The following CYYR1 variants were observed in gnomAD, a reference collection of about 807,000 sequenced individuals.
CYYR1 encodes cysteine and tyrosine-rich protein 1.
CYYR1 carries 14 observed loss-of-function variants against 15.2 expected under a neutral mutation model. That is an observed-to-expected ratio of 0.92 (90% CI 0.61 to 1.44). CYYR1 has a LOEUF of 1.44. Among genes scored for constraint, CYYR1 ranks in the 40% most tolerant of loss-of-function variants. CYYR1 has a pLI of 0.00. For synonymous variants in CYYR1, 80 were observed against 77.4 expected, an observed-to-expected ratio of 1.03 and a Z score of -0.18; for missense variants, 228 against 209.5, an observed-to-expected ratio of 1.09 and a Z score of -0.54.
At chr21:26,528,824 T>C (rs189229166) in intron 2 of CYYR1, among the ~76,000 whole-genome samples, 4 of 152,274 alleles carry the variant, frequency 2.6e-5, no homozygotes, top group Non-Finnish European at 4.4e-5. Context: ...TACGGGAGCT[T>C]AAGTACTGAT....
intron 2 of CYYR1, among the ~76,000 whole-genome samples, chr21:26,491,436 G>A (rs2065326300): frequency 6.6e-6 from 1 of 152,070 alleles, no homozygotes; most frequent in African/African-American, 2.4e-5. Flanking sequence ...TTTAAGTCCT[G>A]AGAGCATATA....
intron 2 of CYYR1, among the ~76,000 whole-genome samples, chr21:26,481,667 G>A (rs1295953290): frequency 6.6e-6 from 1 of 151,800 alleles, no homozygotes; most frequent in Non-Finnish European, 1.5e-5. Flanking sequence ...CTTTTCTATT[G>A]TGAACAGTGC....
chr21:26,474,665 C>A (rs1228805622), intron 3 of CYYR1, among the ~76,000 whole-genome samples: 1 of 152,136 alleles, frequency 6.6e-6, no homozygotes. Context: ...ATCCACCTAA[C>A]CCTGCCTCTC....
intron 2 of CYYR1, among the ~76,000 whole-genome samples, chr21:26,491,821 CT>C (rs1207148765): frequency 6.6e-6 from 1 of 152,180 alleles, no homozygotes; most frequent in African/African-American, 2.4e-5. Flanking sequence ...ACCCAGGCCA[CT>C]GTGATCCTTT....
At chr21:26,537,761 T>A (rs531064938) in intron 2 of CYYR1, among the ~76,000 whole-genome samples, 1 of 152,270 alleles carries the variant, frequency 6.6e-6, no homozygotes, top group East Asian at 1.9e-4. Context: ...TTAAAATTCA[T>A]ACGTTGACCC....
chr21:26,571,366 G>A (rs1668218234), intron 1 of CYYR1, among the ~76,000 whole-genome samples: 1 of 152,222 alleles, frequency 6.6e-6, no homozygotes, highest in African/African-American at 2.4e-5. Flanking sequence ...GAAATGAATG[G>A]ACTGAAAACT....
At chr21:26,512,932 T>C (rs2065670480) in intron 2 of CYYR1, among the ~76,000 whole-genome samples, 1 of 152,178 alleles carries the variant, frequency 6.6e-6, no homozygotes, top group Non-Finnish European at 1.5e-5. Flanking sequence ...AAGTAAGTGC[T>C]TTTCTCCTAG....
chr21:26,480,130 G>T, intron 3 of CYYR1, 142 bp downstream of exon 3: 1 of 811,132 alleles, frequency 1.2e-6, no homozygotes, highest in Non-Finnish European at 1.9e-6. Context: ...GATTCAGCTA[G>T]AACTTCAATC....
intron 2 of CYYR1, among the ~76,000 whole-genome samples, chr21:26,529,946 C>G (rs1194891948): frequency 6.6e-6 from 1 of 152,172 alleles, no homozygotes; most frequent in Non-Finnish European, 1.5e-5. Flanking sequence ...CCCATCTTTT[C>G]TAGTGACAAT....
At chr21:26,501,409 C>A (rs1256585852) in intron 2 of CYYR1, among the ~76,000 whole-genome samples, 1 of 152,142 alleles carries the variant, frequency 6.6e-6, no homozygotes, top group East Asian at 1.9e-4. Flanking sequence ...TTCTCTAGTG[C>A]TAAATTTAAG....
chr21:26,486,619 A>AT (rs71329836), intron 2 of CYYR1, among the ~76,000 whole-genome samples: 6 of 151,566 alleles, frequency 4.0e-5, no homozygotes, highest in South Asian at 2.1e-4. Flanking sequence ...AATTTAGCTA[A>AT]TTTTTTTTTC....
At chr21:26,554,456 T>TC (rs1979622187) in intron 2 of CYYR1, among the ~76,000 whole-genome samples, 1 of 152,162 alleles carries the variant, frequency 6.6e-6, no homozygotes, top group Non-Finnish European at 1.5e-5. Context: ...GACTTGTGTA[T>TC]CTAATGTACA....
chr21:26,487,611 A>G (rs957525791), intron 2 of CYYR1, among the ~76,000 whole-genome samples: 2 of 152,054 alleles, frequency 1.3e-5, no homozygotes, highest in Admixed American at 6.6e-5. Context: ...AAAATAATGC[A>G]TTTTCTTCTC....
intron 2 of CYYR1, among the ~76,000 whole-genome samples, chr21:26,501,564 A>G (rs904977791): frequency 6.6e-5 from 10 of 152,196 alleles, no homozygotes; most frequent in Admixed American, 5.9e-4. Flanking sequence ...GGTAAACACA[A>G]AAGACTCAGA....
intron 2 of CYYR1, chr21:26,503,517 T>C (rs916770986): frequency 6.6e-6 from 1 of 152,186 alleles, no homozygotes; most frequent in East Asian, 1.9e-4. Flanking sequence ...AATATTCGTA[T>C]GTGTGTGAAA....
Position 26,480,544 on chromosome 21 carries a change from A to C in CYYR1, c.177-115T>G, listed in dbSNP as rs952621965. Reference sequence around the variant, plus strand: ...TTTCTTACAAATGTTCTTAAGGATAATGTGTGTGTGTTTTTCTTTTCTTTT... The same window carrying C: ...TTTCTTACAAATGTTCTTAAGGATACTGTGTGTGTGTTTTTCTTTTCTTTT... On this transcript the variant is annotated intron_variant, in intron 2 of 3. Coordinates refer to ENST00000652641, the MANE Select transcript of CYYR1 (RefSeq NM_001320768.2). 8 of 1,115,502 alleles carry C rather than the reference A, an allele frequency of 7.2e-6. No homozygotes were observed. The African/African-American group carries it at 1.1e-4, about 16-fold the overall frequency. The allele number at this position is 1,115,502 out of a possible 1,614,324, so 69.1% of individuals were successfully genotyped here.
intron 2 of CYYR1, among the ~76,000 whole-genome samples, chr21:26,520,483 T>C (rs1402151897): frequency 6.6e-6 from 1 of 152,156 alleles, no homozygotes; most frequent in African/African-American, 2.4e-5. Flanking sequence ...CTATCGTTGA[T>C]GGGCATTTGG....
intron 2 of CYYR1, among the ~76,000 whole-genome samples, chr21:26,547,487 G>A (rs1965573919): frequency 6.6e-6 from 1 of 152,044 alleles, no homozygotes; most frequent in Non-Finnish European, 1.5e-5. Flanking sequence ...CATTTAATTT[G>A]CCTAAAAACA....
At chr21:26,472,862 T>A (rs956262795) in intron 3 of CYYR1, among the ~76,000 whole-genome samples, 5 of 152,296 alleles carry the variant, frequency 3.3e-5, no homozygotes, top group Admixed American at 2.0e-4. Flanking sequence ...AGATAGTTGA[T>A]ACATAACTAT....
Sources: gnomAD v4.1 joint callset for allele counts (sites outside exome capture counted in the v4.1 genomes callset) on GRCh38, gnomAD v4.1.1 for gene constraint, MANE v1.5 for transcripts, NCBI Gene and HGNC (gene_info 2026-07-23, HGNC 2026-07-21) for gene names.